CSMD1: variants seen among roughly 807,000 people sequenced by gnomAD.
The protein encoded by CSMD1 is CUB and sushi domain-containing protein 1.
CSMD1 carries 213 observed loss-of-function variants against 417.5 expected under a neutral mutation model. The observed-to-expected ratio is 0.51, with a 90% confidence interval of 0.46 to 0.57. The LOEUF is 0.57. CSMD1 is among the 20% of genes least tolerant of loss of function. The pLI, the probability that CSMD1 is intolerant of heterozygous loss-of-function variation, is 0.00. For missense variants in CSMD1, 6,923 were observed against 4,529.7 expected (o/e 1.53, Z -15.17); for synonymous variants, 2,862 against 1,736.8 (o/e 1.65, Z -16.11).
chr8:3,512,821 G>A (rs1797132701), intron 10 of CSMD1, among the ~76,000 whole-genome samples: 1 of 151,866 alleles, frequency 6.6e-6, no homozygotes, highest in Non-Finnish European at 1.5e-5. Flanking sequence ...GGCTAGGATG[G>A]TCTTGATCTC....
At chr8:4,871,476 A>G (rs1802736015) in intron 1 of CSMD1, among the ~76,000 whole-genome samples, 2 of 152,234 alleles carry the variant, frequency 1.3e-5, no homozygotes, top group South Asian at 2.1e-4. Flanking sequence ...GTGTGAATAT[A>G]ATCAAGTTGA....
intron 39 of CSMD1, 73 bp from the exon 40 acceptor site, chr8:3,151,586 A>T: frequency 1.1e-6 from 1 of 910,538 alleles, no homozygotes; most frequent in South Asian, 1.4e-5. Context: ...AACCTGCTTC[A>T]CTCAACTATG....
chr8:3,385,061 A>ATAATATATAAATATATAATATATC (rs1563333562), intron 18 of CSMD1, among the ~76,000 whole-genome samples: 33 of 116,998 alleles, frequency 2.8e-4, no homozygotes, highest in Non-Finnish European at 4.3e-4. Flanking sequence ...TATAATATAT[A>ATAATATATAAATATATAATATATC]ATATATAAAT....
chr8:3,247,952 C>T (rs1364997666), intron 26 of CSMD1, among the ~76,000 whole-genome samples: 1 of 152,178 alleles, frequency 6.6e-6, no homozygotes, highest in Non-Finnish European at 1.5e-5. Flanking sequence ...AACCCCATTA[C>T]AACCACCTCC....
intron 1 of CSMD1, among the ~76,000 whole-genome samples, chr8:4,723,119 C>T (rs1308099471): frequency 6.6e-6 from 1 of 152,080 alleles, no homozygotes; most frequent in Non-Finnish European, 1.5e-5. Flanking sequence ...ACTTGTACAC[C>T]TAACACCATT....
At position 4,315,292 on chromosome 8, in the gene CSMD1, A is replaced by T. The variant is rs530041541; in HGVS notation, c.415+104661T>A. ...ATGAAAACTGAGACAGTATGCGAGG[A>T]GACCCTTTTACCCTAAGGTCCACAG... On this transcript the variant is annotated intron_variant, in intron 3 of 69. Transcript: ENST00000635120. Among the ~76,000 whole-genome samples, 6 of 152,292 alleles carry T rather than the reference A, an allele frequency of 3.9e-5. No individual in the cohort carries two copies. The South Asian group carries it at 1.2e-3, about 32-fold the overall frequency.
chr8:3,261,557 C>G lies in CSMD1; in HGVS notation c.4153+22587G>C, dbSNP rs533598580. 2.9e-4 allele frequency among the ~76,000 whole-genome samples: 44 copies of G among 152,226 alleles called. No individual in the cohort carries two copies. The South Asian group carries it at 7.5e-3, about 26-fold the overall frequency. Reference sequence around the variant, plus strand: ...AGAAAACCTGCGCGTGAATGTTCATCACAGCTGTACTCATAGGAGTCCCAA... The same window carrying G: ...AGAAAACCTGCGCGTGAATGTTCATGACAGCTGTACTCATAGGAGTCCCAA... On this transcript the variant is annotated intron_variant, in intron 26 of 69. Transcript: ENST00000635120.
At chr8:3,029,193 T>C (rs769227890) in intron 51 of CSMD1, 126 bp downstream of exon 51, 69 of 635,626 alleles carry the variant, frequency 1.1e-4, no homozygotes, top group Non-Finnish European at 1.5e-4. Flanking sequence ...AGACAGGCCA[T>C]TTGTTCTTTT....
intron 3 of CSMD1, among the ~76,000 whole-genome samples, chr8:4,033,359 G>A (rs547420497): frequency 4.6e-5 from 7 of 152,096 alleles, no homozygotes; most frequent in South Asian, 2.1e-4. Context: ...GGAGAATGGC[G>A]TGAACCCGGG....
At chr8:3,902,682 T>C (rs1807834512) in intron 5 of CSMD1, among the ~76,000 whole-genome samples, 1 of 152,130 alleles carries the variant, frequency 6.6e-6, no homozygotes, top group South Asian at 2.1e-4. Flanking sequence ...CTGGGCATCC[T>C]GGTTCTTAAC....
intron 2 of CSMD1, among the ~76,000 whole-genome samples, chr8:4,541,784 C>G (rs1797400796): frequency 6.6e-6 from 1 of 151,904 alleles, no homozygotes; most frequent in East Asian, 1.9e-4. Flanking sequence ...CTTATATCAC[C>G]ATGCTTGACC....
chr8:3,089,614 C>G (rs752490091), intron 48 of CSMD1, among the ~76,000 whole-genome samples: 1 of 152,168 alleles, frequency 6.6e-6, no homozygotes, highest in Non-Finnish European at 1.5e-5. Context: ...GGGACACTTT[C>G]ATTTAATCAA....
At chr8:3,800,231 A>G (rs1378767588) in intron 5 of CSMD1, among the ~76,000 whole-genome samples, 1 of 152,190 alleles carries the variant, frequency 6.6e-6, no homozygotes, top group African/African-American at 2.4e-5. Flanking sequence ...TGATGATGAT[A>G]CAGTCATCCT....
At chr8:4,777,179 T>C (rs966207843) in intron 1 of CSMD1, among the ~76,000 whole-genome samples, 2 of 152,192 alleles carry the variant, frequency 1.3e-5, no homozygotes, top group African/African-American at 4.8e-5. Context: ...AACTTCCTGT[T>C]TTACCTTGTG....
rs531583699 is a variant in CSMD1 at position 4,994,208 on chromosome 8, T to C, written c.85+124A>G. On this transcript the variant is annotated intron_variant, in intron 1 of 69. Coordinates refer to ENST00000635120, the MANE Select transcript of CSMD1 (RefSeq NM_033225.6). ...CATCGCGTTCCCCGAGCTTCGGCGATGGAGCAGCGCCGGGCAGAGGCGGCC... is the reference window on the plus strand; with the variant it reads ...CATCGCGTTCCCCGAGCTTCGGCGACGGAGCAGCGCCGGGCAGAGGCGGCC... 1,514 of 796,112 alleles carry C rather than the reference T, an allele frequency of 1.9e-3. 3 individuals carry two copies. The highest frequency in any genetic ancestry group is 2.6e-3 in the Non-Finnish European group (1,319 of 502,120). The allele number at this position is 796,112 out of a possible 1,614,324, so 49.3% of individuals were successfully genotyped here. A position where few individuals can be genotyped will look rare whatever the true frequency, so the allele number is the denominator to read the frequency against.
At chr8:3,650,694 C>T (rs1001571111) in intron 7 of CSMD1, among the ~76,000 whole-genome samples, 2 of 152,174 alleles carry the variant, frequency 1.3e-5, no homozygotes, top group Non-Finnish European at 2.9e-5. Context: ...ATTATCAATG[C>T]TGGCTTCTCA....
At chr8:4,607,260 T>C (rs1800926149) in intron 2 of CSMD1, among the ~76,000 whole-genome samples, 1 of 150,656 alleles carries the variant, frequency 6.6e-6, no homozygotes, top group Non-Finnish European at 1.5e-5. Context: ...CTGCTAGTGA[T>C]AAGTAGAAAA....
chr8:3,910,736 C>A (rs190571351), intron 5 of CSMD1, among the ~76,000 whole-genome samples: 6 of 152,144 alleles, frequency 3.9e-5, no homozygotes, highest in Non-Finnish European at 7.3e-5. Context: ...AAAAACACAA[C>A]GAATTCGGTG....
chr8:4,692,874 C>T (rs1273445303), intron 1 of CSMD1, among the ~76,000 whole-genome samples: 1 of 152,196 alleles, frequency 6.6e-6, no homozygotes, highest in Non-Finnish European at 1.5e-5. Flanking sequence ...AGACAAGACT[C>T]TATGGTATTC....
Sources: gnomAD v4.1 joint callset for allele counts (sites outside exome capture counted in the v4.1 genomes callset) on GRCh38, gnomAD v4.1.1 for gene constraint, MANE v1.5 for transcripts, NCBI Gene and HGNC (gene_info 2026-07-23, HGNC 2026-07-21) for gene names.